The following SEMA3C variants were observed in gnomAD, a reference collection of about 807,000 sequenced individuals.
SEMA3C encodes the protein semaphorin-3C.
Under a neutral mutation model 89.4 loss-of-function variants are expected in SEMA3C, and 47 were observed. That is an observed-to-expected ratio of 0.53 (90% CI 0.42 to 0.67). The LOEUF is 0.67. SEMA3C is among the 30% of genes least tolerant of loss of function. The probability of loss-of-function intolerance (pLI) is 0.00; values close to 1 mark genes in which losing one functional copy is unlikely to be tolerated. For synonymous variants in SEMA3C, 310 were observed against 320.2 expected (o/e 0.97, Z 0.34); for missense variants, 839 against 929.1 (o/e 0.90, Z 1.26).
chr7:80,920,703 TG>T (rs1317594502), upstream of SEMA3C, among the ~76,000 whole-genome samples: 1 of 152,238 alleles, frequency 6.6e-6, no homozygotes, highest in Admixed American at 6.5e-5. Flanking sequence ...AATTATTTTT[TG>T]TGATGATGCG....
chr7:80,768,786 TTGTGTG>T (rs36046400), intron 12 of SEMA3C, among the ~76,000 whole-genome samples: 1 of 149,954 alleles, frequency 6.7e-6, no homozygotes, highest in African/African-American at 2.4e-5. Flanking sequence ...AGGGCAAGAT[TTGTGTG>T]TGTGTGTGTG....
chr7:80,754,971 T>TTTTTGTTTTTTGTTTTTTG, intron 15 of SEMA3C, among the ~76,000 whole-genome samples: 1 of 146,828 alleles, frequency 6.8e-6, no homozygotes, highest in Non-Finnish European at 1.5e-5. Context: ...TTTTTTTTTT[T>TTTTTGTTTTTTGTTTTTTG]GTATTTTTAG....
At chr7:80,816,448 A>G (rs1001345037) in intron 5 of SEMA3C, among the ~76,000 whole-genome samples, 2 of 152,218 alleles carry the variant, frequency 1.3e-5, no homozygotes, top group Non-Finnish European at 2.9e-5. Flanking sequence ...TTAGTGATAG[A>G]GAAGAATTCT....
intron 6 of SEMA3C, among the ~76,000 whole-genome samples, chr7:80,810,354 T>C (rs1028938511): frequency 7.9e-5 from 12 of 152,128 alleles, no homozygotes; most frequent in African/African-American, 2.2e-4. Flanking sequence ...TATATAAGTA[T>C]ACATATACAC....
At chr7:80,902,588 T>G (rs1454054270) in intron 2 of SEMA3C, among the ~76,000 whole-genome samples, 1 of 152,200 alleles carries the variant, frequency 6.6e-6, no homozygotes, top group East Asian at 1.9e-4. Flanking sequence ...ATGGTCCAAT[T>G]TTTCAACTAT....
chr7:80,756,591 G>T (rs1265680969), intron 15 of SEMA3C, among the ~76,000 whole-genome samples: 1 of 152,172 alleles, frequency 6.6e-6, no homozygotes, highest in African/African-American at 2.4e-5. Flanking sequence ...TACTTACAAA[G>T]TCTGACATCA....
intron 12 of SEMA3C, among the ~76,000 whole-genome samples, chr7:80,776,144 C>T (rs1166875524): frequency 1.3e-5 from 2 of 151,884 alleles, no homozygotes; most frequent in African/African-American, 2.4e-5. Flanking sequence ...TGCTGAACAC[C>T]GTATATGTAC....
intron 2 of SEMA3C, among the ~76,000 whole-genome samples, chr7:80,849,745 A>G (rs916173190): frequency 1.3e-5 from 2 of 152,164 alleles, no homozygotes; most frequent in African/African-American, 4.8e-5. Context: ...GTGATAGCCA[A>G]ATGTTTCTTA....
intron 2 of SEMA3C, among the ~76,000 whole-genome samples, chr7:80,898,499 T>C (rs1223109670): frequency 6.6e-6 from 1 of 152,066 alleles, no homozygotes; most frequent in African/African-American, 2.4e-5. Context: ...AGCAGAGTAA[T>C]TGTATTAATA....
chr7:80,874,147 T>A (rs529517667), intron 2 of SEMA3C, among the ~76,000 whole-genome samples: 2 of 152,294 alleles, frequency 1.3e-5, no homozygotes, highest in South Asian at 4.1e-4. Context: ...GTAAGTTATC[T>A]CATCCATTAG....
intron 7 of SEMA3C, among the ~76,000 whole-genome samples, chr7:80,805,251 T>C (rs938244160): frequency 4.6e-5 from 7 of 152,226 alleles, no homozygotes; most frequent in African/African-American, 1.7e-4. Flanking sequence ...GTCATACATT[T>C]GGGATAATTT....
intron 14 of SEMA3C, among the ~76,000 whole-genome samples, chr7:80,761,055 T>C (rs2117052167): frequency 6.6e-6 from 1 of 152,258 alleles, no homozygotes; most frequent in Admixed American, 6.5e-5. Flanking sequence ...ACAATTAATT[T>C]GAGGATTTCA....
At chr7:80,818,953 C>A (rs919863411) in intron 4 of SEMA3C, among the ~76,000 whole-genome samples, 60 of 152,262 alleles carry the variant, frequency 3.9e-4, no homozygotes, top group South Asian at 8.3e-4. Flanking sequence ...TTACTGATTA[C>A]CTACTATTTG....
At chr7:80,840,453 A>G (rs1790236537) in intron 2 of SEMA3C, among the ~76,000 whole-genome samples, 1 of 150,032 alleles carries the variant, frequency 6.7e-6, no homozygotes, top group South Asian at 2.1e-4. Flanking sequence ...TGGGAGGTAG[A>G]AGCTGCAGCG....
In SEMA3C at chr7:80,915,393, T is replaced by C. The variant is rs185865605; in HGVS notation, c.103+1286A>G. 3.9e-5 allele frequency among the ~76,000 whole-genome samples: 6 copies of C among 152,218 alleles called. 1 individual carries two copies. The South Asian group carries it at 6.2e-4, about 16-fold the overall frequency. On this transcript the variant is annotated intron_variant, in intron 2 of 17. Coordinates refer to ENST00000265361, the MANE Select transcript of SEMA3C (RefSeq NM_006379.5). The stretch of plus-strand genomic sequence containing the variant: ...GGCTCCTTCGGTGCTTATGACAACC[T>C]TGGGGAAAGCACTGGTGACTTAAAA...
chr7:80,887,946 G>A (rs571646126), intron 2 of SEMA3C, among the ~76,000 whole-genome samples: 1 of 152,206 alleles, frequency 6.6e-6, no homozygotes, highest in Non-Finnish European at 1.5e-5. Context: ...TAGCTGGAAG[G>A]ACAGAAATGT....
chr7:80,900,358 C>A (rs967706270), intron 2 of SEMA3C, among the ~76,000 whole-genome samples: 11 of 152,278 alleles, frequency 7.2e-5, no homozygotes, highest in Middle Eastern at 3.4e-3. Flanking sequence ...CGTGATCCAT[C>A]CACCTTGGTC....
At chr7:80,856,922 TG>T (rs1790655695) in intron 2 of SEMA3C, among the ~76,000 whole-genome samples, 1 of 152,150 alleles carries the variant, frequency 6.6e-6, no homozygotes. Context: ...CCCCATGATT[TG>T]GAATGAAAAT....
At chr7:80,755,246 G>A (rs1788039155) in intron 15 of SEMA3C, among the ~76,000 whole-genome samples, 1 of 151,410 alleles carries the variant, frequency 6.6e-6, no homozygotes. Context: ...TATAATTTGT[G>A]GTGGTAGAAT....
Sources: gnomAD v4.1 joint callset for allele counts (sites outside exome capture counted in the v4.1 genomes callset) on GRCh38, gnomAD v4.1.1 for gene constraint, MANE v1.5 for transcripts, NCBI Gene and HGNC (gene_info 2026-07-23, HGNC 2026-07-21) for gene names.